Variants in FMN1 observed in about 807,000 individuals in gnomAD.
The protein encoded by FMN1 is formin-1.
A neutral mutation model predicts 132.4 loss-of-function variants in FMN1; 110 were observed. That is an observed-to-expected ratio of 0.83 (90% CI 0.71 to 0.97). FMN1 has a LOEUF of 0.97. Among genes scored for constraint, FMN1 ranks in the 50% least tolerant of loss-of-function variants. FMN1 has a pLI of 0.00. For synonymous variants in FMN1, 722 were observed against 651.7 expected, an observed-to-expected ratio of 1.11 and a Z score of -1.64; for missense variants, 1,792 against 1,705.3, an observed-to-expected ratio of 1.05 and a Z score of -0.90.
chr15:33,049,832 C>A (rs754257998), intron 6 of FMN1, among the ~76,000 whole-genome samples: 1 of 152,168 alleles, frequency 6.6e-6, no homozygotes, highest in Non-Finnish European at 1.5e-5. Context: ...ACGTCACTTT[C>A]CTTTTGCTGT....
chr15:33,069,654 A>T (rs1176740531), intron 5 of FMN1, among the ~76,000 whole-genome samples: 1 of 152,142 alleles, frequency 6.6e-6, no homozygotes, highest in Non-Finnish European at 1.5e-5. Context: ...CATTTCTAGC[A>T]ATGTATTCAA....
chr15:32,958,592 G>A (rs146450761), intron 9 of FMN1, among the ~76,000 whole-genome samples: 166 of 145,020 alleles, frequency 1.1e-3, no homozygotes, highest in Admixed American at 4.4e-3. Context: ...ATACATACAT[G>A]CTTAAACAAG....
chr15:32,884,038 A>G (rs2059836209), intron 16 of FMN1, among the ~76,000 whole-genome samples: 1 of 152,058 alleles, frequency 6.6e-6, no homozygotes, highest in Admixed American at 6.5e-5. Context: ...CTGCACGCGC[A>G]TGTGTGTGTT....
chr15:32,966,710 A>C (rs2031270326), intron 8 of FMN1, among the ~76,000 whole-genome samples: 1 of 152,214 alleles, frequency 6.6e-6, no homozygotes. Context: ...CTGAAAATTC[A>C]CATTTTGTTT....
chr15:33,054,332 G>C (rs936404600), intron 6 of FMN1, among the ~76,000 whole-genome samples: 3 of 152,146 alleles, frequency 2.0e-5, no homozygotes, highest in African/African-American at 7.2e-5. Flanking sequence ...TTCTTTAAGA[G>C]TATTTCTACA....
chr15:32,845,531 A>G (rs1462215406), intron 17 of FMN1, among the ~76,000 whole-genome samples: 1 of 152,140 alleles, frequency 6.6e-6, no homozygotes, highest in Non-Finnish European at 1.5e-5. Context: ...AAAGAAACCA[A>G]GTGGTTCTCT....
intron 17 of FMN1, among the ~76,000 whole-genome samples, chr15:32,807,819 G>T (rs2057735467): frequency 6.6e-6 from 1 of 152,174 alleles, no homozygotes; most frequent in East Asian, 1.9e-4. Context: ...AAAATGAGAA[G>T]AAATTAGAGA....
chr15:32,880,006 T>A (rs555213688), intron 16 of FMN1, among the ~76,000 whole-genome samples: 1 of 152,272 alleles, frequency 6.6e-6, no homozygotes, highest in South Asian at 2.1e-4. Context: ...ACCAATTTTA[T>A]GTGATTATTT....
rs538658187 is a variant in FMN1 at position 33,178,968 on chromosome 15, G to C, written c.-132+1230C>G. On this transcript the variant is annotated intron_variant, in intron 3 of 20. Transcript: ENST00000616417. ...TATTCAGTAAATAGTGGATTAAAAT[G>C]TAATTATCTAAAGATACAAATCCAA... Among the ~76,000 whole-genome samples, 5 of 152,280 alleles carry C rather than the reference G, an allele frequency of 3.3e-5. No homozygotes were observed. In the South Asian group the frequency reaches 1.0e-3, roughly 32 times the overall value.
intron 3 of FMN1, among the ~76,000 whole-genome samples, chr15:33,168,393 A>G (rs1965190335): frequency 6.6e-6 from 1 of 152,188 alleles, no homozygotes; most frequent in Admixed American, 6.5e-5. Context: ...ATATAAATTA[A>G]TCCATCTAGA....
chr15:32,798,443 C>T (rs977603390), intron 19 of FMN1, among the ~76,000 whole-genome samples: 2 of 152,154 alleles, frequency 1.3e-5, no homozygotes, highest in Non-Finnish European at 2.9e-5. Context: ...AAAGCATTCA[C>T]TTTTATTTGT....
intron 3 of FMN1, among the ~76,000 whole-genome samples, chr15:33,172,112 G>T (rs936522373): frequency 6.6e-6 from 1 of 151,980 alleles, no homozygotes. Flanking sequence ...GGAGGCTGAG[G>T]CAGGACAATG....
intron 17 of FMN1, among the ~76,000 whole-genome samples, chr15:32,848,985 T>TG (rs200737948): frequency 1.7e-4 from 21 of 125,420 alleles, no homozygotes; most frequent in African/African-American, 2.6e-4. Flanking sequence ...TTGTTTTTTT[T>TG]TTTTTTTTTT....
intron 9 of FMN1, among the ~76,000 whole-genome samples, chr15:32,962,571 G>C (rs1186497885): frequency 6.6e-6 from 1 of 150,964 alleles, no homozygotes; most frequent in Non-Finnish European, 1.5e-5. Context: ...CAAAATGGGA[G>C]AAAATTTTTG....
At chr15:32,936,722 A>C (rs187172117) in intron 9 of FMN1, among the ~76,000 whole-genome samples, 1 of 152,176 alleles carries the variant, frequency 6.6e-6, no homozygotes, top group East Asian at 1.9e-4. Flanking sequence ...GGAAGGAAGG[A>C]GAAGAAGAAG....
intron 15 of FMN1, among the ~76,000 whole-genome samples, chr15:32,895,527 T>G (rs1342655705): frequency 5.3e-5 from 8 of 152,148 alleles, no homozygotes; most frequent in Non-Finnish European, 4.4e-5. Flanking sequence ...GATGTATAAT[T>G]TGGTGAATCA....
At chr15:32,869,903 G>C (rs949390415) in intron 16 of FMN1, among the ~76,000 whole-genome samples, 5 of 152,164 alleles carry the variant, frequency 3.3e-5, no homozygotes, top group Non-Finnish European at 7.3e-5. Flanking sequence ...AGGGAAGTTG[G>C]GGGTGCGGGG....
intron 6 of FMN1, among the ~76,000 whole-genome samples, chr15:33,052,091 A>T (rs966631753): frequency 6.6e-6 from 1 of 152,192 alleles, no homozygotes; most frequent in Admixed American, 6.5e-5. Flanking sequence ...TAATTAGCAA[A>T]TGTGATAACC....
chr15:32,830,097 A>G (rs1410675043), intron 17 of FMN1, among the ~76,000 whole-genome samples: 1 of 152,218 alleles, frequency 6.6e-6, no homozygotes, highest in Non-Finnish European at 1.5e-5. Context: ...TGAATACAGG[A>G]TCATCCCACA....
Sources: gnomAD v4.1 joint callset for allele counts (sites outside exome capture counted in the v4.1 genomes callset) on GRCh38, gnomAD v4.1.1 for gene constraint, MANE v1.5 for transcripts, NCBI Gene and HGNC (gene_info 2026-07-23, HGNC 2026-07-21) for gene names.